Variants in HTT-AS observed in about 807,000 individuals in gnomAD.
HTT-AS encodes the protein HTT antisense RNA.
intron 1 of HTT-AS, among the ~76,000 whole-genome samples, chr4:3,066,906 A>G (rs1335932235): frequency 6.6e-6 from 1 of 152,342 alleles, no homozygotes; most frequent in Middle Eastern, 3.4e-3. Context: ...ATACCCTCAG[A>G]GGCCTAGAAT....
At chr4:3,047,265 T>G (rs563758613), downstream of HTT-AS, among the ~76,000 whole-genome samples, 3 of 152,026 alleles carry the variant, frequency 2.0e-5, no homozygotes, top group South Asian at 2.1e-4. Context: ...GAGCCGAGAT[T>G]GCGCCACTGC....
chr4:3,062,636 C>T (rs946406646), exon 2 of HTT-AS, among the ~76,000 whole-genome samples: 2 of 151,994 alleles, frequency 1.3e-5, no homozygotes, highest in Non-Finnish European at 2.9e-5. Context: ...GTCCAAGGTC[C>T]TGGCCCCTTT....
chr4:3,072,233 A>G (rs1383830723), intron 1 of HTT-AS, among the ~76,000 whole-genome samples: 1 of 152,216 alleles, frequency 6.6e-6, no homozygotes, highest in Non-Finnish European at 1.5e-5. Context: ...GGCAGGATCC[A>G]GTTCCTCATG....
At chr4:3,062,660 C>A (rs1165829993) in exon 2 of HTT-AS, among the ~76,000 whole-genome samples, 5 of 151,838 alleles carry the variant, frequency 3.3e-5, no homozygotes, top group Non-Finnish European at 7.4e-5. Flanking sequence ...TTCTGCTTGG[C>A]GTGTTGTTCA....
At chr4:3,072,141 G>A (rs958331332) in intron 1 of HTT-AS, among the ~76,000 whole-genome samples, 2 of 152,198 alleles carry the variant, frequency 1.3e-5, no homozygotes, top group African/African-American at 2.4e-5. Context: ...TCCACTTCTC[G>A]CCAGGGTTCA....
At chr4:3,072,626 CTTTA>C (rs956162061) in intron 1 of HTT-AS, among the ~76,000 whole-genome samples, 8 of 152,208 alleles carry the variant, frequency 5.3e-5, no homozygotes, top group East Asian at 3.9e-4. Context: ...GAACTGGGAA[CTTTA>C]TTTATTTATT....
exon 3 of HTT-AS, among the ~76,000 whole-genome samples, chr4:3,049,666 T>C (rs1711664535): frequency 6.6e-6 from 1 of 152,150 alleles, no homozygotes; most frequent in African/African-American, 2.4e-5. Flanking sequence ...ACAGTCTTTC[T>C]CTGATGTTCT....
intron 2 of HTT-AS, among the ~76,000 whole-genome samples, chr4:3,058,281 G>A (rs1317169586): frequency 6.6e-6 from 1 of 151,802 alleles, no homozygotes; most frequent in African/African-American, 2.4e-5. Context: ...AGCCGAGATT[G>A]CGCCATTGCA....
At chr4:3,061,176 T>C (rs1332614692) in intron 2 of HTT-AS, among the ~76,000 whole-genome samples, 1 of 152,220 alleles carries the variant, frequency 6.6e-6, no homozygotes, top group African/African-American at 2.4e-5. Context: ...GAAATCCTGA[T>C]GACATGTTCC....
chr4:3,059,009 C>T (rs564860459), intron 2 of HTT-AS, among the ~76,000 whole-genome samples: 1 of 152,284 alleles, frequency 6.6e-6, no homozygotes, highest in African/African-American at 2.4e-5. Context: ...CATGAGCTAC[C>T]CCACCCAGCT....
rs149798844 is a variant in HTT-AS at position 3,058,625 on chromosome 4, A to G, written n.1380+3809T>C. On this transcript the variant is annotated intron_variant and non_coding_transcript_variant, in intron 2 of 2. Coordinates refer to ENST00000664062, the Ensembl canonical transcript of HTT-AS. Reference sequence around the variant, plus strand: ...GCCTAACCTCCTGGGAACGCGGCCCAGCAGGTGTCAGCCTCATTTTACCCC... The same window carrying G: ...GCCTAACCTCCTGGGAACGCGGCCCGGCAGGTGTCAGCCTCATTTTACCCC... Among the ~76,000 whole-genome samples the G allele has an allele frequency of 3.0e-3, 453 of 152,224 alleles. 4 individuals carry two copies. Among genetic ancestry groups the G allele is most frequent in the African/African-American group, 0.01 (424 of 41,534 alleles).
chr4:3,065,568 G>T (rs1042648978), intron 1 of HTT-AS, among the ~76,000 whole-genome samples: 5 of 152,078 alleles, frequency 3.3e-5, no homozygotes, highest in Non-Finnish European at 5.9e-5. Flanking sequence ...TTACTATGGG[G>T]TTACCTCTAG....
downstream of HTT-AS, among the ~76,000 whole-genome samples, chr4:3,047,179 C>CGG (rs1560527496): frequency 1.3e-5 from 2 of 151,986 alleles, no homozygotes; most frequent in East Asian, 3.9e-4. Flanking sequence ...GGCGTGGTGG[C>CGG]GTGCACCTGT....
At chr4:3,049,773 T>G (rs1711665786) in intron 2 of HTT-AS, among the ~76,000 whole-genome samples, 1 of 152,134 alleles carries the variant, frequency 6.6e-6, no homozygotes, top group South Asian at 2.1e-4. Context: ...TGTTAAAACA[T>G]CAGCCCTCTT....
At position 3,073,364 on chromosome 4, in the gene HTT-AS, G is replaced by A. The variant is rs1560533727; in HGVS notation, n.113+1062C>T. ...CCCCTCTACCACCCAAAAGGCAGGA[G>A]GCTCTGGAGACCAGGACCCTGCCCG... On this transcript the variant is annotated intron_variant and non_coding_transcript_variant, in intron 1 of 2. Coordinates refer to ENST00000664062, the Ensembl canonical transcript of HTT-AS. 2.6e-5 allele frequency among the ~76,000 whole-genome samples: 4 copies of A among 152,234 alleles called. 1 individual carries two copies. The highest frequency in any genetic ancestry group is 2.0e-4 in the Admixed American group (3 of 15,286).
At chr4:3,047,597 A>G (rs1484930257), downstream of HTT-AS, among the ~76,000 whole-genome samples, 1 of 152,200 alleles carries the variant, frequency 6.6e-6, no homozygotes. Flanking sequence ...TGGTAATGAC[A>G]GTGCCTGGGA....
intron 2 of HTT-AS, among the ~76,000 whole-genome samples, chr4:3,058,969 G>T (rs1028777805): frequency 6.6e-6 from 1 of 152,136 alleles, no homozygotes; most frequent in Non-Finnish European, 1.5e-5. Flanking sequence ...ATACAGCCGC[G>T]TTGGCCTCCC....
chr4:3,053,185 T>G (rs957216234), intron 2 of HTT-AS, among the ~76,000 whole-genome samples: 1 of 152,190 alleles, frequency 6.6e-6, no homozygotes, highest in Non-Finnish European at 1.5e-5. Context: ...TATTGGATCT[T>G]CTTCTGTCTG....
intron 1 of HTT-AS, among the ~76,000 whole-genome samples, chr4:3,073,127 A>T (rs1348422407): frequency 6.6e-6 from 1 of 152,218 alleles, no homozygotes; most frequent in South Asian, 2.1e-4. Flanking sequence ...CACTGGGGAC[A>T]ATGCTGGGTT....
Sources: gnomAD v4.1 joint callset for allele counts (sites outside exome capture counted in the v4.1 genomes callset) on GRCh38, gnomAD v4.1.1 for gene constraint, MANE v1.5 for transcripts, NCBI Gene and HGNC (gene_info 2026-07-23, HGNC 2026-07-21) for gene names.